NRXN3: variants seen among roughly 807,000 people sequenced by gnomAD.
The protein encoded by NRXN3 is neurexin III.
A neutral mutation model predicts 137.6 loss-of-function variants in NRXN3; 32 were observed. That is an observed-to-expected ratio of 0.23 (90% CI 0.18 to 0.31). The LOEUF is 0.31. Among genes scored for constraint, NRXN3 ranks in the 10% least tolerant of loss-of-function variants. The pLI is 1.00. For synonymous variants in NRXN3, 798 were observed against 784.5 expected, an observed-to-expected ratio of 1.02 and a Z score of -0.29; for missense variants, 1,574 against 2,062.5, an observed-to-expected ratio of 0.76 and a Z score of 4.59.
At chr14:79,766,812 A>C (rs1248047289) in intron 19 of NRXN3, among the ~76,000 whole-genome samples, 1 of 152,242 alleles carries the variant, frequency 6.6e-6, no homozygotes, top group African/African-American at 2.4e-5. Context: ...AGGAAGAAGA[A>C]GGGCATGGTT....
chr14:79,791,516 TA>T (rs944925959), intron 19 of NRXN3, among the ~76,000 whole-genome samples: 179 of 120,190 alleles, frequency 1.5e-3, no homozygotes, highest in African/African-American at 5.9e-3. Context: ...TAATTATAAT[TA>T]ATTATATATT....
intron 2 of NRXN3, among the ~76,000 whole-genome samples, chr14:78,265,712 A>T (rs2071580125): frequency 6.6e-6 from 1 of 152,208 alleles, no homozygotes; most frequent in Non-Finnish European, 1.5e-5. Context: ...ATGACCTGGG[A>T]TGCAGATGAC....
intron 19 of NRXN3, among the ~76,000 whole-genome samples, chr14:79,732,577 G>T (rs904367096): frequency 5.9e-5 from 9 of 152,102 alleles, no homozygotes; most frequent in African/African-American, 1.4e-4. Context: ...ATCATCTAAG[G>T]TAATAGAACA....
chr14:78,831,052 G>A (rs1450883413), intron 10 of NRXN3, among the ~76,000 whole-genome samples: 1 of 152,182 alleles, frequency 6.6e-6, no homozygotes. Flanking sequence ...GTCTGACATG[G>A]AAGGTGGAGC....
At chr14:78,567,145 A>C (rs554018757) in intron 4 of NRXN3, among the ~76,000 whole-genome samples, 1 of 152,176 alleles carries the variant, frequency 6.6e-6, no homozygotes, top group South Asian at 2.1e-4. Context: ...TGGGTCTTGA[A>C]GGGGCTGCAG....
At chr14:78,482,792 G>A (rs1041912858) in intron 4 of NRXN3, among the ~76,000 whole-genome samples, 2 of 152,172 alleles carry the variant, frequency 1.3e-5, no homozygotes, top group African/African-American at 4.8e-5. Flanking sequence ...TAAAGGCACA[G>A]GTGTCAGAAG....
At chr14:78,503,824 G>T (rs1025349980) in intron 4 of NRXN3, among the ~76,000 whole-genome samples, 4 of 152,144 alleles carry the variant, frequency 2.6e-5, no homozygotes, top group African/African-American at 4.8e-5. Context: ...TACATGTGTT[G>T]TTCCAGCATG....
At chr14:79,738,314 G>GCC (rs2098949040) in intron 19 of NRXN3, among the ~76,000 whole-genome samples, 1 of 66,396 alleles carries the variant, frequency 1.5e-5, no homozygotes, top group African/African-American at 6.7e-5. Context: ...CATTTCCCCC[G>GCC]CCACACACAC....
chr14:79,258,836 CA>C (rs2077139520), intron 15 of NRXN3, among the ~76,000 whole-genome samples: 1 of 152,116 alleles, frequency 6.6e-6, no homozygotes, highest in African/African-American at 2.4e-5. Context: ...AACAGATAGG[CA>C]GAGAAAAGAA....
chr14:78,993,258 A>C (rs373871993), intron 15 of NRXN3, among the ~76,000 whole-genome samples: 1 of 152,056 alleles, frequency 6.6e-6, no homozygotes, highest in Non-Finnish European at 1.5e-5. Flanking sequence ...TTAAAAACAC[A>C]TTTCCCATTC....
intron 15 of NRXN3, among the ~76,000 whole-genome samples, chr14:79,418,001 C>G (rs763512268): frequency 2.6e-5 from 4 of 151,254 alleles, no homozygotes; most frequent in Non-Finnish European, 5.9e-5. Flanking sequence ...AAAAGGGAAC[C>G]AAACAAAACA....
intron 17 of NRXN3, among the ~76,000 whole-genome samples, chr14:79,687,231 CACTT>C (rs1285338051): frequency 6.6e-6 from 1 of 152,212 alleles, no homozygotes; most frequent in Non-Finnish European, 1.5e-5. Flanking sequence ...ATCCATCTAT[CACTT>C]ACAAGTGGCC....
At chr14:79,083,121 G>A (rs1414730056) in intron 15 of NRXN3, among the ~76,000 whole-genome samples, 1 of 152,156 alleles carries the variant, frequency 6.6e-6, no homozygotes, top group Non-Finnish European at 1.5e-5. Flanking sequence ...TCCATCAGTG[G>A]TACTGTGTGA....
In NRXN3 at chr14:79,361,094, A is replaced by C. The variant is rs559006811; in HGVS notation, c.3263-106127A>C. 4.6e-5 allele frequency among the ~76,000 whole-genome samples: 7 copies of C among 152,352 alleles called. No individual in the cohort carries two copies. In the East Asian group the frequency reaches 1.4e-3, roughly 29 times the overall value. On this transcript the variant is annotated intron_variant, in intron 15 of 20. Transcript: ENST00000335750. ...TTTTTCTCTGAAGGGTAATTCGAGTACAGAGATATTACTTTGAAGAAGTAA... is the reference window on the plus strand; with the variant it reads ...TTTTTCTCTGAAGGGTAATTCGAGTCCAGAGATATTACTTTGAAGAAGTAA...
intron 15 of NRXN3, among the ~76,000 whole-genome samples, chr14:79,394,097 C>T (rs945024176): frequency 2.0e-5 from 3 of 151,998 alleles, no homozygotes; most frequent in South Asian, 2.1e-4. Flanking sequence ...ATAGTTTATG[C>T]TTGGTGGCAT....
At chr14:79,532,458 T>G (rs993363565) in intron 16 of NRXN3, among the ~76,000 whole-genome samples, 7 of 152,194 alleles carry the variant, frequency 4.6e-5, no homozygotes, top group African/African-American at 1.7e-4. Context: ...GCTAGTTTCC[T>G]AACCAGTAAA....
chr14:78,318,356 G>A (rs1455914563), intron 4 of NRXN3, among the ~76,000 whole-genome samples: 1 of 152,148 alleles, frequency 6.6e-6, no homozygotes, highest in Non-Finnish European at 1.5e-5. Flanking sequence ...CTGCTCTGAT[G>A]GCATCCTTTC....
chr14:78,191,916 G>C (rs561129596), intron 1 of NRXN3, among the ~76,000 whole-genome samples: 6 of 152,192 alleles, frequency 3.9e-5, no homozygotes, highest in South Asian at 4.2e-4. Flanking sequence ...CCCTGGTGAG[G>C]GGGGGAGGGT....
At chr14:79,445,231 T>C (rs1048323657) in intron 15 of NRXN3, among the ~76,000 whole-genome samples, 1 of 151,602 alleles carries the variant, frequency 6.6e-6, no homozygotes, top group African/African-American at 2.4e-5. Context: ...TCCCAGCTAC[T>C]CGGGAGGCTG....
Sources: allele counts gnomAD v4.1 joint callset (sites outside exome capture counted in the v4.1 genomes callset), GRCh38; gene constraint gnomAD v4.1.1; transcripts MANE v1.5; gene names NCBI Gene and HGNC (gene_info 2026-07-23, HGNC 2026-07-21).